ITK: variants seen among roughly 807,000 people sequenced by gnomAD.
ITK encodes IL2 inducible T cell kinase, also known as tyrosine-protein kinase ITK/TSK.
A neutral mutation model predicts 87.6 loss-of-function variants in ITK; 45 were observed. The observed-to-expected ratio is 0.51, with a 90% CI of 0.40 to 0.66. The LOEUF (loss-of-function observed/expected upper bound fraction) is 0.66. ITK is among the 30% of genes least tolerant of loss of function. ITK has a pLI of 0.00. For synonymous variants in ITK, 303 were observed against 273.6 expected, an observed-to-expected ratio of 1.11 and a Z score of -1.06; for missense variants, 605 against 766.3, an observed-to-expected ratio of 0.79 and a Z score of 2.48.
At chr5:157,199,090 A>T (rs918425394) in intron 1 of ITK, among the ~76,000 whole-genome samples, 158 of 152,156 alleles carry the variant, frequency 1.0e-3, no homozygotes, top group Non-Finnish European at 2.1e-3. Context: ...ATGTAATTTT[A>T]AAAAATTCTC....
intron 4 of ITK, 74 bp downstream of exon 4, chr5:157,214,393 T>C: frequency 4.9e-6 from 6 of 1,230,672 alleles, no homozygotes; most frequent in South Asian, 2.4e-5. Context: ...CCTTTAATCA[T>C]TGAGGGTGTC....
intron 8 of ITK, 103 bp from the exon 9 acceptor site, chr5:157,238,006 G>A: frequency 2.5e-6 from 2 of 801,624 alleles, no homozygotes; most frequent in South Asian, 1.4e-5. Flanking sequence ...TATGCCAAGT[G>A]GGCCTACAGT....
chr5:157,185,352 C>T lies in ITK; in HGVS notation c.138+4237C>T, dbSNP rs137888030. Among the ~76,000 whole-genome samples the T allele has an allele frequency of 1.2e-3, 181 of 151,976 alleles. 4 individuals are homozygous for T. In the East Asian group the frequency reaches 0.03, roughly 25 times the overall value. On this transcript the variant is annotated intron_variant, in intron 1 of 16. Transcript: ENST00000422843. Reference sequence around the variant, plus strand: ...CTCCCAGGTTCAAGTGATTCCTCTGCCTCAGCCTCTTGAGTAGCTGGAACT... The same window carrying T: ...CTCCCAGGTTCAAGTGATTCCTCTGTCTCAGCCTCTTGAGTAGCTGGAACT...
intron 15 of ITK, 99 bp from the exon 16 acceptor site, chr5:157,248,751 A>T: frequency 7.5e-7 from 1 of 1,338,972 alleles, no homozygotes; most frequent in Non-Finnish European, 1.1e-6. Flanking sequence ...TAGCACATGA[A>T]TCCTAATGCA....
At chr5:157,244,946 C>T in intron 13 of ITK, 1 of 221,484 alleles carries the variant, frequency 4.5e-6, no homozygotes, top group South Asian at 6.7e-5. Flanking sequence ...AGATATGCAG[C>T]TGGGTGCGGT....
rs201859710 is a variant in ITK, at chr5:157,252,603, C to T, written c.1792-4C>T. 1.1e-4 allele frequency: 174 copies of T among 1,612,836 alleles called. No individual in the cohort carries two copies. Among genetic ancestry groups the T allele is most frequent in the Middle Eastern group, 6.6e-4 (4 of 6,084 alleles). On this transcript the variant is annotated splice_polypyrimidine_tract_variant and splice_region_variant and intron_variant, in intron 16 of 16. Transcript: ENST00000422843. ...ACTTACAGAGTTCTTTTTTCCCTCT[C>T]CAGAGACCAGAAGATCGGCCAGCCT... is the stretch of plus-strand genomic sequence containing the variant.
chr5:157,193,029 A>G (rs776246628), intron 1 of ITK, among the ~76,000 whole-genome samples: 2 of 152,164 alleles, frequency 1.3e-5, no homozygotes, highest in Non-Finnish European at 2.9e-5. Context: ...CAGCCTGGGT[A>G]ACATAGTGAG....
At chr5:157,217,936 G>T in intron 5 of ITK, 29 bp downstream of exon 5, 1 of 1,604,252 alleles carries the variant, frequency 6.2e-7, no homozygotes, top group South Asian at 1.1e-5. Context: ...TCCGGGTGCA[G>T]GTGGGCCCAC....
At chr5:157,204,144 G>A (rs1349099097) in intron 1 of ITK, among the ~76,000 whole-genome samples, 1 of 152,124 alleles carries the variant, frequency 6.6e-6, no homozygotes. Context: ...CCAAGTAGCT[G>A]GGACTACAGG....
chr5:157,219,248 G>A (rs754560147), intron 5 of ITK, among the ~76,000 whole-genome samples: 9 of 151,854 alleles, frequency 5.9e-5, no homozygotes, highest in Admixed American at 4.6e-4. Flanking sequence ...GAGTAGCTGG[G>A]ATTACAGGCG....
chr5:157,209,243 A>G (rs1222275298), intron 2 of ITK, among the ~76,000 whole-genome samples: 1 of 151,562 alleles, frequency 6.6e-6, no homozygotes, highest in Admixed American at 6.6e-5. Context: ...GAGACAGGAG[A>G]ATTGTTTGAA....
At chr5:157,218,894 C>T (rs535109847) in intron 5 of ITK, among the ~76,000 whole-genome samples, 3 of 152,228 alleles carry the variant, frequency 2.0e-5, no homozygotes, top group Non-Finnish European at 4.4e-5. Flanking sequence ...GTGTCCAAAA[C>T]GCTGGGGGAG....
rs974512664 is a variant in ITK at position 157,201,656 on chromosome 5, C to T, written c.139-7233C>T. On this transcript the variant is annotated intron_variant, in intron 1 of 16. Transcript: ENST00000422843. ...CTGCAAGTACTAGCCAGATAAATTA[C>T]ACTATAAAGTGAAATGAAATTCTCC... is the stretch of plus-strand genomic sequence containing the variant. Among the ~76,000 whole-genome samples, 6 of 148,564 alleles carry T rather than the reference C, an allele frequency of 4.0e-5. No individual in the cohort carries two copies. The East Asian group carries it at 1.2e-3, about 29-fold the overall frequency.
intron 16 of ITK, among the ~76,000 whole-genome samples, chr5:157,249,555 G>T (rs922427408): frequency 2.0e-5 from 3 of 152,204 alleles, no homozygotes; most frequent in Non-Finnish European, 2.9e-5. Context: ...TGTCTTTGCT[G>T]AGTTAGAAAA....
At chr5:157,217,314 G>T (rs181241291) in intron 4 of ITK, among the ~76,000 whole-genome samples, 245 of 152,244 alleles carry the variant, frequency 1.6e-3, no homozygotes, top group African/African-American at 5.6e-3. Flanking sequence ...GAGATGCTGG[G>T]GTTGGTATAG....
intron 6 of ITK, 65 bp from the exon 7 acceptor site, chr5:157,228,231 A>C: frequency 1.0e-6 from 1 of 968,826 alleles, no homozygotes; most frequent in Non-Finnish European, 1.7e-6. Context: ...TTAATGGATT[A>C]AACCTATAAA....
chr5:157,229,109 GTAAA>G (rs1416375484), intron 7 of ITK, among the ~76,000 whole-genome samples: 3 of 152,104 alleles, frequency 2.0e-5, no homozygotes, highest in Non-Finnish European at 2.9e-5. Context: ...AAATAAAGAA[GTAAA>G]TAAATAAAAA....
chr5:157,240,173 C>T lies in ITK; in HGVS notation c.963C>T (p.Asn321=). ...TCGATTCCATCCCTCTTCTCATCAACTATCACCAACATAATGGAGGAGGTA... is the reference window on the plus strand; with the variant it reads ...TCGATTCCATCCCTCTTCTCATCAATTATCACCAACATAATGGAGGAGGTA... ...YVFDSIPLLI[N]YHQHNGGGLV... The change falls in exon 10 of 17, where the codon AAC becomes AAT. Residue 321 remains asparagine, a synonymous_variant. Coordinates refer to ENST00000422843, the MANE Select transcript of ITK (RefSeq NM_005546.4). The T allele has an allele frequency of 6.2e-7, 1 of 1,614,180 alleles. No individual in the cohort carries two copies. Among genetic ancestry groups the T allele is most frequent in the Non-Finnish European group, 8.5e-7 (1 of 1,180,010 alleles).
At chr5:157,244,504 A>G in intron 13 of ITK, 26 bp downstream of exon 13, 1 of 1,327,392 alleles carries the variant, frequency 7.5e-7, no homozygotes, top group Non-Finnish European at 1.1e-6. Flanking sequence ...GTGAACACCC[A>G]CAGGTCCAGG....
Sources: gnomAD v4.1 joint callset for allele counts (sites outside exome capture counted in the v4.1 genomes callset) on GRCh38, gnomAD v4.1.1 for gene constraint, MANE v1.5 for transcripts, NCBI Gene and HGNC (gene_info 2026-07-23, HGNC 2026-07-21) for gene names.